Variants in ERBB4 observed in about 807,000 individuals in gnomAD.
ERBB4 encodes receptor tyrosine-protein kinase erbB-4.
ERBB4 carries 42 observed loss-of-function variants against 158.0 expected under a neutral mutation model. The ratio of observed to expected loss-of-function variants is 0.27; its 90% confidence interval spans 0.21 to 0.34. ERBB4 has a LOEUF of 0.34. Ranked by LOEUF, ERBB4 falls within the 10% of genes least tolerant of loss-of-function variation. The probability of loss-of-function intolerance (pLI) is 1.00; values close to 1 mark genes in which losing one functional copy is unlikely to be tolerated. For synonymous variants in ERBB4, 583 were observed against 558.7 expected, an observed-to-expected ratio of 1.04 and a Z score of -0.61; for missense variants, 1,333 against 1,624.1, an observed-to-expected ratio of 0.82 and a Z score of 3.08.
intron 2 of ERBB4, among the ~76,000 whole-genome samples, chr2:211,995,328 CTAAT>C (rs1424437514): frequency 6.6e-6 from 1 of 152,200 alleles, no homozygotes; most frequent in East Asian, 1.9e-4. Context: ...TAGAGGAACT[CTAAT>C]TGATGATTGC....
At chr2:212,321,206 A>G (rs2087553901) in intron 1 of ERBB4, among the ~76,000 whole-genome samples, 3 of 150,478 alleles carry the variant, frequency 2.0e-5, no homozygotes, top group Non-Finnish European at 4.5e-5. Context: ...GCCATCGTGT[A>G]ATTATGATAT....
intron 1 of ERBB4, among the ~76,000 whole-genome samples, chr2:212,494,069 T>G (rs112467471): frequency 0.011 from 1,662 of 151,998 alleles, 31 homozygotes; most frequent in African/African-American, 0.038. Flanking sequence ...AACTATTATA[T>G]GTATACTGGA....
At chr2:212,528,700 C>T (rs1277117911) in intron 1 of ERBB4, among the ~76,000 whole-genome samples, 1 of 152,040 alleles carries the variant, frequency 6.6e-6, no homozygotes, top group African/African-American at 2.4e-5. Context: ...ATCTGGTAAC[C>T]TGAAAAGAAA....
intron 3 of ERBB4, among the ~76,000 whole-genome samples, chr2:211,800,155 G>A (rs1399460080): frequency 6.6e-6 from 1 of 152,084 alleles, no homozygotes; most frequent in Non-Finnish European, 1.5e-5. Flanking sequence ...CATAGTTGGG[G>A]ATCAGACTAG....
chr2:211,444,774 AATG>A (rs537881654), intron 20 of ERBB4, among the ~76,000 whole-genome samples: 3 of 152,212 alleles, frequency 2.0e-5, no homozygotes, highest in South Asian at 4.1e-4. Context: ...TTTTACATAT[AATG>A]ATATGTTATT....
rs199982217 is a variant in ERBB4 at position 211,536,032 on chromosome 2, GAGGTCT to G, written c.2487+25865_2487+25870del. On this transcript the variant is annotated intron_variant, in intron 20 of 27. Transcript: ENST00000342788. ...GGAAAAGCGAATGGGAACACAGACTGAGGTCTAGGCCATATTTAATATTTCTAAGCT... is the reference window on the plus strand; with the variant it reads ...GGAAAAGCGAATGGGAACACAGACTGAGGCCATATTTAATATTTCTAAGCT... Among the ~76,000 whole-genome samples, 838 of 151,898 alleles carry G rather than the reference GAGGTCT, an allele frequency of 5.5e-3. 7 individuals are homozygous for G. Among genetic ancestry groups the G allele is most frequent in the African/African-American group, 0.02 (809 of 41,456 alleles).
At chr2:211,833,212 A>T (rs1169746143) in intron 3 of ERBB4, among the ~76,000 whole-genome samples, 1 of 152,098 alleles carries the variant, frequency 6.6e-6, no homozygotes, top group Non-Finnish European at 1.5e-5. Flanking sequence ...TGGTTTTTCA[A>T]GTAAGGAGCT....
chr2:212,275,130 T>C (rs535887605), intron 1 of ERBB4, among the ~76,000 whole-genome samples: 6,981 of 151,906 alleles, frequency 0.046, 224 homozygotes, highest in African/African-American at 0.088. Context: ...GCATAGTATT[T>C]CATGGTGAAC....
At chr2:212,011,292 T>A (rs1258454506) in intron 2 of ERBB4, among the ~76,000 whole-genome samples, 1 of 152,074 alleles carries the variant, frequency 6.6e-6, no homozygotes, top group East Asian at 1.9e-4. Flanking sequence ...CGTTTGGGGG[T>A]CCCTGACTTC....
intron 1 of ERBB4, among the ~76,000 whole-genome samples, chr2:212,487,928 G>A (rs1384602131): frequency 1.3e-5 from 2 of 151,970 alleles, no homozygotes; most frequent in Admixed American, 6.6e-5. Context: ...TTCATACTTT[G>A]TGTCTCTAAT....
intron 20 of ERBB4, among the ~76,000 whole-genome samples, chr2:211,543,383 A>G (rs2066864327): frequency 6.6e-6 from 1 of 152,054 alleles, no homozygotes; most frequent in South Asian, 2.1e-4. Flanking sequence ...TTGTAGTAAT[A>G]TTAAAAATCT....
intron 1 of ERBB4, among the ~76,000 whole-genome samples, chr2:212,407,937 G>A (rs2091394240): frequency 6.6e-6 from 1 of 151,826 alleles, no homozygotes; most frequent in Non-Finnish European, 1.5e-5. Context: ...TTAGGTATAA[G>A]GTAATCATTA....
chr2:212,072,996 A>G (rs2078168914), intron 2 of ERBB4, among the ~76,000 whole-genome samples: 1 of 152,002 alleles, frequency 6.6e-6, no homozygotes, highest in Admixed American at 6.6e-5. Flanking sequence ...CTTGCTTGAG[A>G]AAACAGTGCC....
rs185551249 is a variant in ERBB4, at chr2:211,731,493, A to G, written c.623-6299T>C. On this transcript the variant is annotated intron_variant, in intron 5 of 27. Coordinates refer to ENST00000342788, the MANE Select transcript of ERBB4 (RefSeq NM_005235.3). ...TATGGGTTGGATGTGAGGAAGAATT[A>G]CTGACTATTAGAGGGATAAAAACAC... Among the ~76,000 whole-genome samples the G allele has an allele frequency of 6.1e-4, 93 of 152,256 alleles. No individual in the cohort carries two copies. In the East Asian group the frequency reaches 0.013, roughly 22 times the overall value.
At chr2:211,974,170 C>A (rs940564070) in intron 2 of ERBB4, among the ~76,000 whole-genome samples, 2 of 152,144 alleles carry the variant, frequency 1.3e-5, no homozygotes, top group Admixed American at 6.5e-5. Context: ...ATCTGTACAA[C>A]AAACTTCCAT....
At chr2:211,975,739 T>C (rs866407893) in intron 2 of ERBB4, among the ~76,000 whole-genome samples, 1 of 152,172 alleles carries the variant, frequency 6.6e-6, no homozygotes, top group Non-Finnish European at 1.5e-5. Flanking sequence ...TTTTTCAATA[T>C]GTCATTAGTA....
At chr2:212,359,590 C>T (rs1225771905) in intron 1 of ERBB4, among the ~76,000 whole-genome samples, 1 of 151,678 alleles carries the variant, frequency 6.6e-6, no homozygotes, top group Non-Finnish European at 1.5e-5. Context: ...CTTAAGAGTT[C>T]TAGCTGCTGT....
Position 211,702,048 on chromosome 2 carries a change from G to A in ERBB4, c.1408C>T (p.His470Tyr), listed in dbSNP as rs2106036375. Reference sequence around the variant, plus strand: ...AAGAGTGTTGTCCAGTTAATGGTATGATAATAACACAGGTTGCTGTTGTCA... The same window carrying A: ...AAGAGTGTTGTCCAGTTAATGGTATAATAATAACACAGGTTGCTGTTGTCA... ...ITDNSNLCYY[H>Y]TINWTTLFST... is the part of the protein sequence containing the mutation. Residue 470 changes from histidine (H) to tyrosine (Y), a missense_variant, in exon 12 of 28, where the codon CAT becomes TAT. His to Tyr is a moderately conservative substitution (Grantham distance 83). This residue lies in a region of ERBB4 where 438 missense variants were observed against 586.9 expected (regional missense o/e 0.75). Transcript: ENST00000342788. The A allele has an allele frequency of 6.2e-7, 1 of 1,613,724 alleles. No homozygotes were observed.
At position 212,217,271 on chromosome 2, in the gene ERBB4, G is replaced by A. The variant is rs372495728; in HGVS notation, c.83-92368C>T. On this transcript the variant is annotated intron_variant, in intron 1 of 27. Transcript: ENST00000342788. ...AGGGTCTTCTGTGGAACTGATCAGA[G>A]CCAAAACCAAAATTTGTCTCCAATA... Among the ~76,000 whole-genome samples the A allele has an allele frequency of 2.2e-4, 34 of 151,294 alleles. 1 individual carries two copies. The Middle Eastern group carries it at 0.01, about 45-fold the overall frequency.
Sources: gnomAD v4.1 joint callset for allele counts (sites outside exome capture counted in the v4.1 genomes callset) on GRCh38, gnomAD v4.1.1 for gene constraint, gnomAD v4.1.1 regional missense constraint, MANE v1.5 for transcripts, NCBI Gene and HGNC (gene_info 2026-07-23, HGNC 2026-07-21) for gene names.